MLF1: variants seen among roughly 807,000 people sequenced by gnomAD.
MLF1 encodes the protein myelodysplasia-myeloid leukemia factor 1.
MLF1 carries 37 observed loss-of-function variants against 38.3 expected under a neutral mutation model. The ratio of observed to expected loss-of-function variants is 0.96; its 90% CI spans 0.74 to 1.27. The LOEUF (loss-of-function observed/expected upper bound fraction) is 1.27. Among genes scored for constraint, MLF1 ranks in the 50% most tolerant of loss-of-function variants. The pLI is 0.00. For synonymous variants in MLF1, 95 were observed against 106.5 expected (o/e 0.89, Z 0.66); for missense variants, 331 against 349.2 (o/e 0.95, Z 0.42).
intron 1 of MLF1, among the ~76,000 whole-genome samples, chr3:158,574,700 A>G (rs1715159587): frequency 1.3e-5 from 2 of 151,506 alleles, no homozygotes; most frequent in South Asian, 4.2e-4. Flanking sequence ...AAAAAAAAAA[A>G]AAGAATATTT....
chr3:158,590,221 G>A lies in MLF1; in HGVS notation c.48-2213G>A, dbSNP rs139997169. Among the ~76,000 whole-genome samples, 610 of 152,120 alleles carry A rather than the reference G, an allele frequency of 4.0e-3. 4 individuals carry two copies. Among genetic ancestry groups the A allele is most frequent in the African/African-American group, 0.014 (567 of 41,472 alleles). ...AAATGGGGGAAGTATTTGAAAAGAC[G>A]GTTCTATCAAAGAACATACATGAAT... On this transcript the variant is annotated intron_variant, in intron 1 of 7. Transcript: ENST00000466246.
At chr3:158,601,286 A>G (rs1719706000) in intron 6 of MLF1, among the ~76,000 whole-genome samples, 1 of 151,986 alleles carries the variant, frequency 6.6e-6, no homozygotes, top group Non-Finnish European at 1.5e-5. Flanking sequence ...TACAAAAATC[A>G]GGGCCCGGCA....
chr3:158,601,558 A>G (rs1055549256), intron 6 of MLF1, among the ~76,000 whole-genome samples: 3 of 151,738 alleles, frequency 2.0e-5, no homozygotes, highest in African/African-American at 7.3e-5. Context: ...CGACAGAGCG[A>G]GACTCTGTCT....
Position 158,602,504 on chromosome 3 carries a change from G to A in MLF1, c.614-303G>A, listed in dbSNP as rs575930355. The stretch of plus-strand genomic sequence containing the variant: ...AGTATATTCACTGTGAGATGACCCA[G>A]GAAGAAAAACTGTTAGTTAATATAA... On this transcript the variant is annotated intron_variant, in intron 6 of 7. Coordinates refer to ENST00000466246, the MANE Select transcript of MLF1 (RefSeq NM_001369783.1). 2.0e-5 allele frequency among the ~76,000 whole-genome samples: 3 copies of A among 152,212 alleles called. No individual in the cohort carries two copies. In the South Asian group the frequency reaches 6.2e-4, roughly 32 times the overall value.
chr3:158,601,398 T>C (rs1486565407), intron 6 of MLF1, among the ~76,000 whole-genome samples: 1 of 151,900 alleles, frequency 6.6e-6, no homozygotes, highest in African/African-American at 2.4e-5. Flanking sequence ...TGAAACCCCG[T>C]CTCTACTAAA....
chr3:158,589,412 A>C (rs1418689192), intron 1 of MLF1, among the ~76,000 whole-genome samples: 1 of 152,076 alleles, frequency 6.6e-6, no homozygotes, highest in South Asian at 2.1e-4. Context: ...GGGTTTCACC[A>C]TGTTGGCCAG....
intron 1 of MLF1, among the ~76,000 whole-genome samples, chr3:158,574,068 G>A (rs1438184218): frequency 6.6e-6 from 1 of 151,996 alleles, no homozygotes; most frequent in Non-Finnish European, 1.5e-5. Flanking sequence ...CAAAATGCTG[G>A]GATTACAGGC....
chr3:158,593,498 T>G, intron 3 of MLF1, 72 bp downstream of exon 3: 3 of 1,244,772 alleles, frequency 2.4e-6, no homozygotes, highest in Admixed American at 2.2e-5. Context: ...TAACTCAAGC[T>G]GACTGAATTG....
rs1423389593 is a variant in MLF1, at chr3:158,602,436, T to C, written c.614-371T>C. On this transcript the variant is annotated intron_variant, in intron 6 of 7. Transcript: ENST00000466246. ...CAAGTTACACAGAAAGATGGTTAGG[T>C]GAATAGAAGTGCTAGCCACAGAAGT... 3.3e-5 allele frequency among the ~76,000 whole-genome samples: 5 copies of C among 152,076 alleles called. No individual in the cohort carries two copies. In the East Asian group the frequency reaches 9.6e-4, roughly 29 times the overall value.
chr3:158,580,086 A>G (rs1716092828), intron 1 of MLF1, among the ~76,000 whole-genome samples: 1 of 152,202 alleles, frequency 6.6e-6, no homozygotes, highest in South Asian at 2.1e-4. Context: ...TGGGTAACTC[A>G]TTTGTGCATT....
chr3:158,596,750 T>G (rs1718933500), intron 3 of MLF1, 112 bp from the exon 4 acceptor site: 483 of 591,092 alleles, frequency 8.2e-4, no homozygotes, highest in Middle Eastern at 1.4e-3. Context: ...GATTACTGCA[T>G]GAGATTTCAC....
intron 1 of MLF1, among the ~76,000 whole-genome samples, chr3:158,584,665 G>GTGTGTT (rs753074408): frequency 0.024 from 2,720 of 111,186 alleles, 36 homozygotes; most frequent in Middle Eastern, 0.07. Flanking sequence ...GAAAGTGTGT[G>GTGTGTT]TGTGTGTGTG....
intron 7 of MLF1, among the ~76,000 whole-genome samples, chr3:158,604,193 T>C (rs1367871884): frequency 6.6e-6 from 1 of 152,206 alleles, no homozygotes; most frequent in African/African-American, 2.4e-5. Flanking sequence ...CTTGCTCCCA[T>C]ATTCATTATA....
chr3:158,577,871 G>A (rs1166285200), intron 1 of MLF1, among the ~76,000 whole-genome samples: 1 of 151,996 alleles, frequency 6.6e-6, no homozygotes, highest in Admixed American at 6.6e-5. Flanking sequence ...GAATATCAGG[G>A]GAGCATAATC....
intron 1 of MLF1, among the ~76,000 whole-genome samples, chr3:158,576,671 ATTTTTTT>A (rs11341425): frequency 1.5e-5 from 2 of 132,742 alleles, no homozygotes; most frequent in African/African-American, 5.7e-5. Flanking sequence ...GTCAACCTTA[ATTTTTTT>A]TTTTTTTTTT....
At chr3:158,580,643 A>G (rs9881679) in intron 1 of MLF1, among the ~76,000 whole-genome samples, 35,075 of 152,044 alleles carry the variant, frequency 0.23, 5,473 homozygotes, top group African/African-American at 0.45. Context: ...ACAAAAACTC[A>G]TACTAAAAAT....
At chr3:158,596,797 A>G in intron 3 of MLF1, 65 bp from the exon 4 acceptor site, 2 of 999,498 alleles carry the variant, frequency 2.0e-6, no homozygotes, top group Admixed American at 2.3e-5. Context: ...GCTGTTTTGG[A>G]AGATGTATTT....
chr3:158,576,251 T>A (rs1187732437), intron 1 of MLF1, among the ~76,000 whole-genome samples: 1 of 152,214 alleles, frequency 6.6e-6, no homozygotes, highest in East Asian at 1.9e-4. Flanking sequence ...AAATTTACAT[T>A]ACAGTATATT....
chr3:158,586,454 A>C (rs1398428644), intron 1 of MLF1, among the ~76,000 whole-genome samples: 2 of 152,158 alleles, frequency 1.3e-5, no homozygotes, highest in Admixed American at 1.3e-4. Context: ...TTTAAGTTTG[A>C]GTGTGAAATG....
Sources: gnomAD v4.1 joint callset for allele counts (sites outside exome capture counted in the v4.1 genomes callset) on GRCh38, gnomAD v4.1.1 for gene constraint, MANE v1.5 for transcripts, NCBI Gene and HGNC (gene_info 2026-07-23, HGNC 2026-07-21) for gene names.